NEGR1: variants seen among roughly 807,000 people sequenced by gnomAD.
NEGR1 encodes the protein neuronal growth regulator 1.
A neutral mutation model predicts 40.9 loss-of-function variants in NEGR1; 10 were observed. The ratio of observed to expected loss-of-function variants is 0.24; its 90% CI spans 0.15 to 0.42. The LOEUF (loss-of-function observed/expected upper bound fraction) is 0.42, where lower values mean the gene tolerates loss of function less well. Among genes scored for constraint, NEGR1 ranks in the 10% least tolerant of loss-of-function variants. The pLI, the probability that NEGR1 is intolerant of heterozygous loss-of-function variation, is 1.00. For synonymous variants in NEGR1, 185 were observed against 166.8 expected (o/e 1.11, Z -0.84); for missense variants, 352 against 438.9 (o/e 0.80, Z 1.77).
intron 2 of NEGR1, among the ~76,000 whole-genome samples, chr1:71,843,635 T>C (rs1033720720): frequency 3.1e-4 from 47 of 152,084 alleles, no homozygotes; most frequent in Non-Finnish European, 6.6e-4. Flanking sequence ...ACAATTGGGG[T>C]AGTAAAACAT....
At chr1:72,087,224 C>A (rs2100537731) in intron 1 of NEGR1, among the ~76,000 whole-genome samples, 1 of 152,194 alleles carries the variant, frequency 6.6e-6, no homozygotes, top group South Asian at 2.1e-4. Flanking sequence ...TGAGGCCAGC[C>A]TGACCAACAT....
At chr1:72,250,064 G>A (rs764043587) in intron 1 of NEGR1, among the ~76,000 whole-genome samples, 5 of 152,120 alleles carry the variant, frequency 3.3e-5, no homozygotes, top group Admixed American at 6.5e-5. Context: ...TAAAATGTGC[G>A]TAAAGTATAA....
intron 1 of NEGR1, among the ~76,000 whole-genome samples, chr1:72,138,229 A>AT (rs780685246): frequency 3.1e-4 from 47 of 151,828 alleles, no homozygotes; most frequent in Non-Finnish European, 5.2e-4. Flanking sequence ...ACAACTAATT[A>AT]TTTTTTTAAA....
rs1020379583 is a variant in NEGR1, at chr1:71,741,445, G to A, written c.535+34727C>T. 1.1e-3 allele frequency among the ~76,000 whole-genome samples: 170 copies of A among 152,114 alleles called. 1 individual carries two copies. Among genetic ancestry groups the A allele is most frequent in the African/African-American group, 3.9e-3 (161 of 41,506 alleles). ...TCTCCCATTCCTTTGTTTAATTTAT[G>A]TTTCAGTTCTTTCAGGTTGATCTTT... On this transcript the variant is annotated intron_variant, in intron 3 of 6. Coordinates refer to ENST00000357731, the MANE Select transcript of NEGR1 (RefSeq NM_173808.3).
intron 1 of NEGR1, among the ~76,000 whole-genome samples, chr1:72,227,797 G>C (rs555980233): frequency 1.3e-5 from 2 of 152,210 alleles, no homozygotes; most frequent in South Asian, 4.1e-4. Flanking sequence ...ATTAGAGACA[G>C]CTTTGAATTT....
intron 2 of NEGR1, among the ~76,000 whole-genome samples, chr1:71,832,959 A>G (rs1557669821): frequency 6.6e-6 from 1 of 152,028 alleles, no homozygotes; most frequent in Non-Finnish European, 1.5e-5. Flanking sequence ...ATATTTGGGA[A>G]CTCAAAATGG....
At chr1:72,144,438 ACAGATAAC>A (rs775085035) in intron 1 of NEGR1, among the ~76,000 whole-genome samples, 33,837 of 151,536 alleles carry the variant, frequency 0.22, 4,344 homozygotes, top group Non-Finnish European at 0.29. Flanking sequence ...ACTGTTAAAA[ACAGATAAC>A]AAACTACATA....
intron 2 of NEGR1, among the ~76,000 whole-genome samples, chr1:71,885,585 G>C (rs1033641403): frequency 1.3e-5 from 2 of 152,132 alleles, no homozygotes; most frequent in African/African-American, 4.8e-5. Flanking sequence ...AAAACACGAA[G>C]TGTATACATA....
intron 1 of NEGR1, among the ~76,000 whole-genome samples, chr1:72,132,390 C>A (rs771429073): frequency 6.6e-6 from 1 of 152,012 alleles, no homozygotes; most frequent in African/African-American, 2.4e-5. Context: ...TCAGGAGGAG[C>A]CTGAGCCTTG....
At chr1:71,636,568 A>T (rs1207884979) in intron 4 of NEGR1, among the ~76,000 whole-genome samples, 1 of 152,110 alleles carries the variant, frequency 6.6e-6, no homozygotes, top group East Asian at 1.9e-4. Flanking sequence ...AAGCTTCTCC[A>T]ATGGAAAGGT....
At chr1:71,922,768 G>T (rs1200779987) in intron 2 of NEGR1, among the ~76,000 whole-genome samples, 2 of 152,180 alleles carry the variant, frequency 1.3e-5, no homozygotes, top group Non-Finnish European at 2.9e-5. Flanking sequence ...GACACTTCAA[G>T]AAATATATAT....
chr1:72,018,263 C>T (rs1441624450), intron 1 of NEGR1, among the ~76,000 whole-genome samples: 1 of 152,060 alleles, frequency 6.6e-6, no homozygotes, highest in African/African-American at 2.4e-5. Flanking sequence ...ACTAGAAATA[C>T]AGCAGTGAGC....
chr1:72,104,767 C>T (rs986320704), intron 1 of NEGR1, among the ~76,000 whole-genome samples: 1 of 151,976 alleles, frequency 6.6e-6, no homozygotes, highest in Non-Finnish European at 1.5e-5. Flanking sequence ...AACAACAATA[C>T]TTTTTTGCCT....
At chr1:71,882,230 A>T (rs1168235683) in intron 2 of NEGR1, among the ~76,000 whole-genome samples, 1 of 152,120 alleles carries the variant, frequency 6.6e-6, no homozygotes, top group Non-Finnish European at 1.5e-5. Context: ...CATTTGCTCC[A>T]TTCCATTTAA....
chr1:71,822,896 T>A (rs1312013827), intron 2 of NEGR1, among the ~76,000 whole-genome samples: 1 of 152,016 alleles, frequency 6.6e-6, no homozygotes, highest in African/African-American at 2.4e-5. Context: ...GCTGACCATA[T>A]AATGTATTAG....
intron 6 of NEGR1, among the ~76,000 whole-genome samples, chr1:71,540,628 G>A (rs1570005371): frequency 6.6e-6 from 1 of 151,686 alleles, no homozygotes; most frequent in Non-Finnish European, 1.5e-5. Flanking sequence ...TCATCAGTTT[G>A]ACATGCTGAA....
chr1:71,482,202 A>G (rs2101373292), intron 6 of NEGR1, among the ~76,000 whole-genome samples: 1 of 152,000 alleles, frequency 6.6e-6, no homozygotes, highest in East Asian at 1.9e-4. Flanking sequence ...CACACCACCA[A>G]TAGCTATTCA....
chr1:71,792,418 G>A (rs905472661), intron 2 of NEGR1, among the ~76,000 whole-genome samples: 2 of 152,064 alleles, frequency 1.3e-5, no homozygotes, highest in Non-Finnish European at 2.9e-5. Context: ...AGTAACGTAA[G>A]AGCCCTTCTC....
At chr1:71,786,196 A>T (rs1656902207) in intron 2 of NEGR1, among the ~76,000 whole-genome samples, 1 of 152,198 alleles carries the variant, frequency 6.6e-6, no homozygotes, top group African/African-American at 2.4e-5. Flanking sequence ...ACAAATGGAT[A>T]TTGGCAATTT....
Sources: allele counts gnomAD v4.1 joint callset (sites outside exome capture counted in the v4.1 genomes callset), GRCh38; gene constraint gnomAD v4.1.1; transcripts MANE v1.5; gene names NCBI Gene and HGNC (gene_info 2026-07-23, HGNC 2026-07-21).